TTC6: variants seen among roughly 807,000 people sequenced by gnomAD.
TTC6 encodes the protein tetratricopeptide repeat domain 6.
In TTC6, 172 loss-of-function variants were observed where a neutral mutation model predicts 210.4. That is an observed-to-expected ratio of 0.82 (90% CI 0.72 to 0.93). The LOEUF is 0.93. Ranked by LOEUF, TTC6 falls within the 40% of genes least tolerant of loss-of-function variation. The pLI, the probability that TTC6 is intolerant of heterozygous loss-of-function variation, is 0.00. For missense variants in TTC6, 2,414 were observed against 2,318.1 expected (o/e 1.04, Z -0.85); for synonymous variants, 804 against 819.6 (o/e 0.98, Z 0.32).
chr14:37,715,026 C>T (rs2095850313), intron 6 of TTC6, among the ~76,000 whole-genome samples: 1 of 151,998 alleles, frequency 6.6e-6, no homozygotes, highest in African/African-American at 2.4e-5. Context: ...AATAATAACC[C>T]AGCCTGGTGG....
At chr14:37,720,030 A>G (rs1429051134) in intron 6 of TTC6, among the ~76,000 whole-genome samples, 4 of 152,310 alleles carry the variant, frequency 2.6e-5, no homozygotes, top group African/African-American at 9.6e-5. Flanking sequence ...AGTGGGCAAA[A>G]CCATTAATAA....
intron 14 of TTC6, among the ~76,000 whole-genome samples, chr14:37,769,062 T>C (rs1759525230): frequency 6.6e-6 from 1 of 152,048 alleles, no homozygotes; most frequent in South Asian, 2.1e-4. Context: ...GAGATAATCA[T>C]GTGGTTTTTG....
At chr14:37,754,563 G>T (rs1456173044) in intron 14 of TTC6, among the ~76,000 whole-genome samples, 2 of 152,044 alleles carry the variant, frequency 1.3e-5, no homozygotes, top group Admixed American at 6.6e-5. Context: ...CTTCCGAGTA[G>T]TTGGGATTAC....
rs1270703753 is a variant in TTC6 at position 37,796,390 on chromosome 14, A to G, written c.3868+20A>G. 4 of 1,009,370 alleles carry G rather than the reference A, an allele frequency of 4.0e-6. No individual in the cohort carries two copies. Among genetic ancestry groups the G allele is most frequent in the Non-Finnish European group, 5.8e-6 (4 of 688,874 alleles). 62.5% of individuals were successfully genotyped at this position (1,009,370 alleles called of 1,614,324 possible). On this transcript the variant is annotated intron_variant, in intron 19 of 30. Coordinates refer to ENST00000553443, the Ensembl canonical transcript of TTC6. ...ACAAAGGTAAGTATAATTAATTATA[A>G]CTTTTAAGAAATACTTCTTTAAAAT...
intron 14 of TTC6, among the ~76,000 whole-genome samples, chr14:37,754,776 T>C (rs1484616131): frequency 2.0e-5 from 3 of 152,186 alleles, no homozygotes; most frequent in African/African-American, 7.2e-5. Flanking sequence ...CCATGGTGTA[T>C]ATGTGCCACA....
At position 37,682,718 on chromosome 14, in the gene TTC6, T is replaced by TA. The variant is rs746718519; in HGVS notation, c.1051-31dup. 828 of 1,450,890 alleles carry TA rather than the reference T, an allele frequency of 5.7e-4. 1 individual carries two copies. The highest frequency in any genetic ancestry group is 6.6e-4 in the Non-Finnish European group (716 of 1,078,622). 89.9% of individuals were successfully genotyped at this position (1,450,890 alleles called of 1,614,324 possible). ...TCACTGAAAAGCCTAGAAGGACCAA[T>TA]AAAAAAAAAGCATTCTTGCACATTT... On this transcript the variant is annotated intron_variant, in intron 2 of 30. Coordinates refer to ENST00000553443, the Ensembl canonical transcript of TTC6.
intron 14 of TTC6, among the ~76,000 whole-genome samples, chr14:37,771,596 T>C (rs531665484): frequency 1.2e-4 from 18 of 152,328 alleles, no homozygotes; most frequent in African/African-American, 4.1e-4. Flanking sequence ...TTGATTGCAT[T>C]GGCTCCTGAG....
In TTC6 at chr14:37,787,455, T is replaced by G. The variant is rs755454199; in HGVS notation, c.3267-13T>G. 6.8e-7 allele frequency: 1 copy of G among 1,479,324 alleles called. No homozygotes were observed. The highest frequency in any genetic ancestry group is 9.0e-7 in the Non-Finnish European group (1 of 1,112,870). The allele number at this position is 1,479,324 out of a possible 1,614,324, so 91.6% of individuals were successfully genotyped here. A position where few individuals can be genotyped will look rare whatever the true frequency, so the allele number is the denominator to read the frequency against. ...CTTTACAGTACTTGTTAAAACAAAC[T>G]TTTTTTTCCTAGGACATACCGAGGG... On this transcript the variant is annotated splice_polypyrimidine_tract_variant and intron_variant, in intron 14 of 30. Coordinates refer to ENST00000553443, the Ensembl canonical transcript of TTC6.
At chr14:37,736,505 T>C (rs910769778) in intron 8 of TTC6, among the ~76,000 whole-genome samples, 1 of 152,210 alleles carries the variant, frequency 6.6e-6, no homozygotes, top group African/African-American at 2.4e-5. Flanking sequence ...ATATTTGTTG[T>C]GAGTTTTTCT....
rs758500570 is a variant in TTC6, at chr14:37,823,921, C to G, written c.4938C>G (p.Tyr1646Ter). 6.2e-7 allele frequency: 1 copy of G among 1,613,866 alleles called. No homozygotes were observed. The highest frequency in any genetic ancestry group is 8.5e-7 in the Non-Finnish European group (1 of 1,179,898). ...AAGCACTGCATATTAATCCAGCATACATAAAAGCCAGAATTAGTTTTGGCT... is the reference window on the plus strand; with the variant it reads ...AAGCACTGCATATTAATCCAGCATAGATAAAAGCCAGAATTAGTTTTGGCT... Residue 1646 changes from tyrosine to a stop codon, truncating the protein, a stop_gained, in exon 27 of 31, where the codon TAC becomes TAG. Coordinates refer to ENST00000553443, the Ensembl canonical transcript of TTC6. LOFTEE classifies it high-confidence loss of function.
chr14:37,770,291 T>C (rs1187314294), intron 14 of TTC6, among the ~76,000 whole-genome samples: 1 of 152,104 alleles, frequency 6.6e-6, no homozygotes, highest in Non-Finnish European at 1.5e-5. Flanking sequence ...TGATTTGGGG[T>C]GGAGAGTTCT....
intron 1 of TTC6, among the ~76,000 whole-genome samples, chr14:37,596,972 A>G (rs762180056): frequency 6.6e-6 from 1 of 151,974 alleles, no homozygotes; most frequent in Non-Finnish European, 1.5e-5. Context: ...TGTGCAGTTA[A>G]GGAAATAAAA....
At chr14:37,795,418 TC>T in intron 18 of TTC6, 66 bp downstream of exon 20, 4 of 1,084,694 alleles carry the variant, frequency 3.7e-6, no homozygotes, top group Non-Finnish European at 2.6e-6. Context: ...ATGGGGATCT[TC>T]AGTTCCCTCT....
intron 29 of TTC6, among the ~76,000 whole-genome samples, chr14:37,829,137 T>G (rs964670434): frequency 3.3e-5 from 5 of 152,046 alleles, no homozygotes; most frequent in Non-Finnish European, 7.4e-5. Context: ...TGCTTTTCCT[T>G]TTATTTTCAA....
chr14:37,763,186 C>A (rs911840874), intron 14 of TTC6, among the ~76,000 whole-genome samples: 2 of 152,040 alleles, frequency 1.3e-5, no homozygotes, highest in Admixed American at 6.6e-5. Context: ...CTGCACCCGG[C>A]CCTGTATCTT....
At chr14:37,723,474 T>A (rs922988249) in intron 6 of TTC6, among the ~76,000 whole-genome samples, 3 of 152,222 alleles carry the variant, frequency 2.0e-5, no homozygotes, top group African/African-American at 7.2e-5. Flanking sequence ...TTCTTACTGA[T>A]GCATCCAACT....
intron 2 of TTC6, among the ~76,000 whole-genome samples, chr14:37,610,838 C>T (rs2095633098): frequency 6.6e-6 from 1 of 152,174 alleles, no homozygotes. Context: ...ACATTATGTA[C>T]CCCTCGGTGT....
At chr14:37,701,188 A>T in intron 4 of TTC6, 144 bp from the exon 7 acceptor site, 1 of 533,040 alleles carries the variant, frequency 1.9e-6, no homozygotes, top group South Asian at 5.7e-5. Context: ...TAAATTTGTT[A>T]TATACCATTA....
upstream of TTC6, among the ~76,000 whole-genome samples, chr14:37,618,525 A>G (rs1322463589): frequency 6.6e-6 from 1 of 152,242 alleles, no homozygotes; most frequent in Non-Finnish European, 1.5e-5. Flanking sequence ...TTGCCAAACT[A>G]GAACTAGTCT....
Sources: allele counts gnomAD v4.1 joint callset (sites outside exome capture counted in the v4.1 genomes callset), GRCh38; gene constraint gnomAD v4.1.1; transcripts MANE v1.5; gene names NCBI Gene and HGNC (gene_info 2026-07-23, HGNC 2026-07-21).